Variants in PTGER3 observed in about 807,000 individuals in gnomAD.
PTGER3 encodes the protein prostaglandin E2 receptor EP3 subtype.
Under a neutral mutation model 34.7 loss-of-function variants are expected in PTGER3, and 22 were observed. The ratio of observed to expected loss-of-function variants is 0.63; its 90% CI spans 0.45 to 0.91. The LOEUF (loss-of-function observed/expected upper bound fraction) is 0.91. Among genes scored for constraint, PTGER3 ranks in the 40% least tolerant of loss-of-function variants. The pLI is 0.00. For synonymous variants in PTGER3, 241 were observed against 230.1 expected, an observed-to-expected ratio of 1.05 and a Z score of -0.43; for missense variants, 468 against 519.4, an observed-to-expected ratio of 0.90 and a Z score of 0.96.
At chr1:70,965,093 G>A in intron 2 of PTGER3, among the ~76,000 whole-genome samples, 1 of 152,156 alleles carries the variant, frequency 6.6e-6, no homozygotes, top group East Asian at 1.9e-4. Context: ...AATGTAGATA[G>A]AACAGCATAT....
At chr1:71,043,799 T>C (rs1230953898) in intron 1 of PTGER3, among the ~76,000 whole-genome samples, 1 of 151,848 alleles carries the variant, frequency 6.6e-6, no homozygotes, top group Non-Finnish European at 1.5e-5. Context: ...TTTTTGAAGA[T>C]ATTTGGAGTT....
chr1:70,882,987 C>T (rs576025989), intron 4 of PTGER3, among the ~76,000 whole-genome samples: 14 of 152,328 alleles, frequency 9.2e-5, no homozygotes, highest in Admixed American at 1.3e-4. Context: ...ACCCTCTAAT[C>T]TCTTTTTCTT....
chr1:70,868,945 G>A (rs1334209824), intron 4 of PTGER3, among the ~76,000 whole-genome samples: 2 of 152,126 alleles, frequency 1.3e-5, no homozygotes, highest in Non-Finnish European at 2.9e-5. Context: ...GGTGTATTAG[G>A]CCGTTCATGG....
At chr1:71,044,095 C>T (rs916209198) in intron 1 of PTGER3, among the ~76,000 whole-genome samples, 7 of 150,096 alleles carry the variant, frequency 4.7e-5, no homozygotes, top group Non-Finnish European at 8.9e-5. Flanking sequence ...GGATTACAGG[C>T]GTGAGCCACT....
intron 4 of PTGER3, among the ~76,000 whole-genome samples, chr1:70,913,669 GC>G (rs1359855615): frequency 6.6e-6 from 1 of 151,746 alleles, no homozygotes; most frequent in African/African-American, 2.4e-5. Context: ...TTCCCAGTTT[GC>G]CGAGAGATTT....
intron 4 of PTGER3, among the ~76,000 whole-genome samples, chr1:70,901,781 T>G (rs942977): frequency 0.3 from 45,346 of 152,024 alleles, 7,043 homozygotes; most frequent in South Asian, 0.46. Flanking sequence ...TGAGACAAAA[T>G]TCAATCTTCT....
In PTGER3 at chr1:70,971,660, T is replaced by C; in HGVS notation, c.*70A>G. The C allele has an allele frequency of 6.6e-7, 1 of 1,518,496 alleles. No individual in the cohort carries two copies. Among genetic ancestry groups the C allele is most frequent in the East Asian group, 2.4e-5 (1 of 41,870 alleles). The allele number at this position is 1,518,496 out of a possible 1,614,324, so 94.1% of individuals were successfully genotyped here. A position where few individuals can be genotyped will look rare whatever the true frequency, so the allele number is the denominator to read the frequency against. The stretch of plus-strand genomic sequence containing the variant: ...AAATTAAAATATATAATTATCCTTC[T>C]CAGGTGGGAAGAAATATGCAAATTC... On this transcript the variant is annotated 3_prime_UTR_variant, in exon 4 of 4. Coordinates refer to ENST00000306666, the MANE Select transcript of PTGER3 (RefSeq NM_198719.2).
rs1325153917 is a variant in PTGER3, at chr1:70,870,101, G to A, written c.*24-17242C>T. Among the ~76,000 whole-genome samples, 3 of 152,136 alleles carry A rather than the reference G, an allele frequency of 2.0e-5. No individual in the cohort carries two copies. The East Asian group carries it at 5.8e-4, about 29-fold the overall frequency. On this transcript the variant is annotated intron_variant, in intron 4 of 4. Transcript: ENST00000370931. ...CTACATGTTCCCTGAAATTTAGGTG[G>A]AGGGTGCCAAGCCTCCACCACTCTT...
chr1:71,044,590 T>C (rs1660596828), intron 1 of PTGER3, among the ~76,000 whole-genome samples: 1 of 152,170 alleles, frequency 6.6e-6, no homozygotes, highest in Non-Finnish European at 1.5e-5. Flanking sequence ...TAAGTAAGAC[T>C]AGTTTCAAAT....
chr1:70,998,258 G>A (rs1572893093), intron 2 of PTGER3: 1 of 152,178 alleles, frequency 6.6e-6, no homozygotes, highest in African/African-American at 2.4e-5. Context: ...GAAGTATAGG[G>A]AATTTTTCTT....
At chr1:70,931,648 A>T (rs185875510) in intron 4 of PTGER3, among the ~76,000 whole-genome samples, 1 of 152,296 alleles carries the variant, frequency 6.6e-6, no homozygotes, top group African/African-American at 2.4e-5. Flanking sequence ...CACCAACTGA[A>T]ACCATGGGCC....
chr1:70,916,557 A>G (rs1174799597), intron 4 of PTGER3, among the ~76,000 whole-genome samples: 1 of 152,088 alleles, frequency 6.6e-6, no homozygotes, highest in Non-Finnish European at 1.5e-5. Context: ...GCCATAAAAA[A>G]GAACAAAAAT....
At chr1:70,942,387 A>G (rs922178642) in intron 4 of PTGER3, among the ~76,000 whole-genome samples, 7 of 152,206 alleles carry the variant, frequency 4.6e-5, no homozygotes, top group Non-Finnish European at 1.0e-4. Flanking sequence ...AGCCCATCTC[A>G]GTACAAAACC....
In PTGER3 at chr1:70,970,995, T is replaced by A; in HGVS notation, c.*735A>T. On this transcript the variant is annotated 3_prime_UTR_variant, in exon 4 of 4. Coordinates refer to ENST00000306666, the MANE Select transcript of PTGER3 (RefSeq NM_198719.2). ...TTTTTTATCACTCTAACTGCGCAGCTAATCATTCAACCTCAAATTTGTTTT... is the reference window on the plus strand; with the variant it reads ...TTTTTTATCACTCTAACTGCGCAGCAAATCATTCAACCTCAAATTTGTTTT... 1 of 985,408 alleles carries A rather than the reference T, an allele frequency of 1.0e-6. No individual in the cohort carries two copies. Among genetic ancestry groups the A allele is most frequent in the Non-Finnish European group, 1.2e-6 (1 of 829,932 alleles). 61.0% of individuals were successfully genotyped at this position (985,408 alleles called of 1,614,324 possible).
rs149978386 is a variant in PTGER3 at position 70,903,118 on chromosome 1, G to A, written c.*24-50259C>T. ...ACAGAGGGGAAGGTGTTGGGAAGAC[G>A]AAGGCAGAGATTGAAGTAATGTGAC... On this transcript the variant is annotated intron_variant, in intron 4 of 4. Coordinates refer to the PTGER3 transcript ENST00000370931. Among the ~76,000 whole-genome samples, 109 of 152,256 alleles carry A rather than the reference G, an allele frequency of 7.2e-4. 1 individual carries two copies. In the East Asian group the frequency reaches 0.016, roughly 23 times the overall value.
At chr1:70,997,756 G>A (rs890591201) in intron 2 of PTGER3, among the ~76,000 whole-genome samples, 21 of 152,200 alleles carry the variant, frequency 1.4e-4, no homozygotes, top group African/African-American at 3.4e-4. Context: ...CACATCTGAA[G>A]AGGTTGAAAG....
intron 4 of PTGER3, among the ~76,000 whole-genome samples, chr1:70,874,844 C>T (rs1646241681): frequency 6.6e-6 from 1 of 151,912 alleles, no homozygotes; most frequent in Non-Finnish European, 1.5e-5. Flanking sequence ...TTTGAAACAG[C>T]AGTTTCAGTC....
At chr1:71,015,969 G>A (rs113752918) in intron 1 of PTGER3, among the ~76,000 whole-genome samples, 16 of 152,248 alleles carry the variant, frequency 1.1e-4, no homozygotes, top group African/African-American at 2.4e-4. Context: ...GTCTCACTCC[G>A]TCACCAAGGC....
intron 4 of PTGER3, among the ~76,000 whole-genome samples, chr1:70,935,019 T>TG (rs1403966297): frequency 1.3e-5 from 2 of 152,152 alleles, no homozygotes; most frequent in African/African-American, 4.8e-5. Flanking sequence ...AAAGCATTGT[T>TG]GAAGTTACAT....
Sources: gnomAD v4.1 joint callset for allele counts (sites outside exome capture counted in the v4.1 genomes callset) on GRCh38, gnomAD v4.1.1 for gene constraint, MANE v1.5 for transcripts, NCBI Gene and HGNC (gene_info 2026-07-23, HGNC 2026-07-21) for gene names.